The following BRSK2 variants were observed in gnomAD, a reference collection of about 807,000 sequenced individuals.
The protein encoded by BRSK2 is serine/threonine-protein kinase BRSK2.
A neutral mutation model predicts 83.3 loss-of-function variants in BRSK2; 19 were observed. The observed-to-expected ratio is 0.23, with a 90% CI of 0.16 to 0.33. BRSK2 has a LOEUF of 0.33. Among genes scored for constraint, BRSK2 ranks in the 10% least tolerant of loss-of-function variants. The pLI, the probability that BRSK2 is intolerant of heterozygous loss-of-function variation, is 1.00. For synonymous variants in BRSK2, 519 were observed against 435.4 expected, an observed-to-expected ratio of 1.19 and a Z score of -2.39; for missense variants, 798 against 1,042.3, an observed-to-expected ratio of 0.77 and a Z score of 3.23.
chr11:1,422,564 A>G (rs1258482104), intron 1 of BRSK2, among the ~76,000 whole-genome samples: 3 of 152,082 alleles, frequency 2.0e-5, no homozygotes, highest in Non-Finnish European at 2.9e-5. Flanking sequence ...CCGAGGATGC[A>G]TGGCTGACAG....
intron 1 of BRSK2, among the ~76,000 whole-genome samples, chr11:1,420,929 C>T (rs7395169): frequency 0.41 from 63,035 of 152,156 alleles, 13,857 homozygotes; most frequent in Non-Finnish European, 0.48. Context: ...CCCCAGGGCC[C>T]CCTCGGCCCT....
intron 1 of BRSK2, among the ~76,000 whole-genome samples, chr11:1,394,776 C>T (rs1353031185): frequency 1.1e-5 from 1 of 89,110 alleles, no homozygotes; most frequent in Non-Finnish European, 2.3e-5. Context: ...TGGAGATGGG[C>T]CATGGAGATG....
At chr11:1,394,669 C>G (rs111163743) in intron 1 of BRSK2, among the ~76,000 whole-genome samples, 18 of 59,120 alleles carry the variant, frequency 3.0e-4, no homozygotes, top group South Asian at 8.3e-4. Context: ...TGGAGATGGG[C>G]CCCTGGAGAT....
intron 1 of BRSK2, among the ~76,000 whole-genome samples, chr11:1,404,661 A>G (rs937930377): frequency 2.0e-5 from 3 of 152,136 alleles, no homozygotes; most frequent in Non-Finnish European, 2.9e-5. Context: ...ACCACAAGGC[A>G]CTCAGGGACA....
chr11:1,446,070 T>G (rs76304184), intron 12 of BRSK2, among the ~76,000 whole-genome samples, 163 bp downstream of exon 12: 3,141 of 54,406 alleles, frequency 0.058, 81 homozygotes, highest in African/African-American at 0.15. Flanking sequence ...GGGCTGGGCT[T>G]GGCTGGGCTG....
chr11:1,421,168 C>T (rs964559805), intron 1 of BRSK2, among the ~76,000 whole-genome samples: 15 of 152,178 alleles, frequency 9.9e-5, no homozygotes, highest in Non-Finnish European at 1.8e-4. Flanking sequence ...GGCTGCGCTT[C>T]GGAGGGGAGG....
chr11:1,451,364 T>C lies in BRSK2; in HGVS notation c.1496-7T>C, dbSNP rs1283260415. On this transcript the variant is annotated splice_region_variant and splice_polypyrimidine_tract_variant and intron_variant, in intron 14 of 19. Transcript: ENST00000528841. Reference sequence around the variant, plus strand: ...CGCCTTTCCTCCTGTTCATCCTGTGTGCACAGTTCCGACGCCGGAGGAGAT... The same window carrying C: ...CGCCTTTCCTCCTGTTCATCCTGTGCGCACAGTTCCGACGCCGGAGGAGAT... 2 of 1,612,924 alleles carry C rather than the reference T, an allele frequency of 1.2e-6. No homozygotes were observed. Among genetic ancestry groups the C allele is most frequent in the Non-Finnish European group, 1.7e-6 (2 of 1,179,862 alleles).
chr11:1,442,669 A>C (rs1245885401), intron 5 of BRSK2, 63 bp downstream of exon 5: 21 of 1,390,818 alleles, frequency 1.5e-5, no homozygotes, highest in Non-Finnish European at 2.1e-5. Flanking sequence ...AAGAGGAGCC[A>C]GTGGACTGAG....
intron 1 of BRSK2, among the ~76,000 whole-genome samples, chr11:1,419,370 C>T (rs768625514): frequency 2.3e-4 from 35 of 152,216 alleles, no homozygotes; most frequent in Admixed American, 3.3e-4. Flanking sequence ...GCTGGCTGCC[C>T]GGGCAGCTCC....
chr11:1,419,539 CG>C (rs1848447636), intron 1 of BRSK2, among the ~76,000 whole-genome samples: 1 of 152,132 alleles, frequency 6.6e-6, no homozygotes, highest in East Asian at 1.9e-4. Context: ...GTTTCTTAGT[CG>C]TTTTTGTAGA....
chr11:1,458,504 A>C (rs1846941080), intron 18 of BRSK2, among the ~76,000 whole-genome samples: 1 of 151,944 alleles, frequency 6.6e-6, no homozygotes, highest in Non-Finnish European at 1.5e-5. Flanking sequence ...GCCCAGCTCC[A>C]AGGATGTGTG....
chr11:1,403,614 G>C (rs1846638097), intron 1 of BRSK2, among the ~76,000 whole-genome samples: 4 of 152,200 alleles, frequency 2.6e-5, no homozygotes, highest in Admixed American at 2.6e-4. Context: ...CTGACGGTGT[G>C]TCCTGAGCTC....
At chr11:1,416,147 C>G (rs1230453433) in intron 1 of BRSK2, among the ~76,000 whole-genome samples, 4 of 152,216 alleles carry the variant, frequency 2.6e-5, no homozygotes, top group Non-Finnish European at 4.4e-5. Flanking sequence ...TATAAAATTT[C>G]TGTTTTAATT....
intron 1 of BRSK2, among the ~76,000 whole-genome samples, chr11:1,403,984 G>A (rs1357254222): frequency 1.3e-5 from 2 of 152,210 alleles, no homozygotes; most frequent in African/African-American, 4.8e-5. Flanking sequence ...GGGCGAATGG[G>A]GTGAGCCTGG....
Position 1,460,818 on chromosome 11 carries a change from C to T in BRSK2, c.*95C>T, listed in dbSNP as rs1229733581. Reference sequence around the variant, plus strand: ...CGAGTGGACCCGCGGCCGCGCCGCCCGTCCGTCCAGACTGTTCTCAGAGCC... The same window carrying T: ...CGAGTGGACCCGCGGCCGCGCCGCCTGTCCGTCCAGACTGTTCTCAGAGCC... On this transcript the variant is annotated 3_prime_UTR_variant, in exon 20 of 20. Coordinates refer to ENST00000528841, the MANE Select transcript of BRSK2 (RefSeq NM_001256627.2). 12 of 1,493,200 alleles carry T rather than the reference C, an allele frequency of 8.0e-6. No individual in the cohort carries two copies. Among genetic ancestry groups the T allele is most frequent in the South Asian group, 2.5e-5 (2 of 79,586 alleles). The allele number at this position is 1,493,200 out of a possible 1,614,324, so 92.5% of individuals were successfully genotyped here.
chr11:1,407,407 C>T (rs1220646028), intron 1 of BRSK2, among the ~76,000 whole-genome samples: 1 of 152,138 alleles, frequency 6.6e-6, no homozygotes, highest in Non-Finnish European at 1.5e-5. Context: ...GGGGGCTTCT[C>T]ACATCGGACC....
intron 19 of BRSK2, among the ~76,000 whole-genome samples, chr11:1,459,796 C>T (rs1847179990): frequency 6.6e-6 from 1 of 152,168 alleles, no homozygotes; most frequent in African/African-American, 2.4e-5. Context: ...TAGCTGCTTG[C>T]CCCCAGCCCC....
intron 1 of BRSK2, among the ~76,000 whole-genome samples, chr11:1,399,719 C>A (rs940384023): frequency 1.3e-5 from 2 of 152,140 alleles, no homozygotes; most frequent in African/African-American, 4.8e-5. Context: ...TGCCTTCTGC[C>A]GGGTGGACAT....
At chr11:1,397,514 T>G (rs1218477804) in intron 1 of BRSK2, among the ~76,000 whole-genome samples, 6 of 152,266 alleles carry the variant, frequency 3.9e-5, no homozygotes, top group Non-Finnish European at 8.8e-5. Context: ...AGGCTCGTTC[T>G]GCCTTCAGTC....
Sources: gnomAD v4.1 joint callset for allele counts (sites outside exome capture counted in the v4.1 genomes callset) on GRCh38, gnomAD v4.1.1 for gene constraint, MANE v1.5 for transcripts, NCBI Gene and HGNC (gene_info 2026-07-23, HGNC 2026-07-21) for gene names.